Variants in CAV1 observed in about 807,000 individuals in gnomAD.
CAV1 encodes caveolin 1.
CAV1 carries 10 observed loss-of-function variants against 16.5 expected under a neutral mutation model. That is an observed-to-expected ratio of 0.61 (90% CI 0.37 to 1.03). The LOEUF (loss-of-function observed/expected upper bound fraction) is 1.03, where lower values mean the gene tolerates loss of function less well. CAV1 is among the 50% of genes least tolerant of loss of function. The pLI, the probability that CAV1 is intolerant of heterozygous loss-of-function variation, is 0.01. For missense variants in CAV1, 212 were observed against 232.8 expected (o/e 0.91, Z 0.58); for synonymous variants, 76 against 85.1 (o/e 0.89, Z 0.59).
chr7:116,534,380 TATA>T (rs1793755074), intron 2 of CAV1, among the ~76,000 whole-genome samples: 4 of 13,704 alleles, frequency 2.9e-4, no homozygotes, highest in South Asian at 4.4e-3. Flanking sequence ...TATATATATA[TATA>T]TATATATATA....
At position 116,539,454 on chromosome 7, in the gene CAV1, C is replaced by T. The variant is rs546988733; in HGVS notation, c.195+12765C>T. Among the ~76,000 whole-genome samples, 21 of 152,112 alleles carry T rather than the reference C, an allele frequency of 1.4e-4. No homozygotes were observed. In the South Asian group the frequency reaches 4.1e-3, roughly 30 times the overall value. ...TCTTTTTAAAGTAAGTTAATGTGTG[C>T]TTTGAATGAAAAGACACTGGGATTA... On this transcript the variant is annotated intron_variant, in intron 2 of 2. Coordinates refer to ENST00000341049, the MANE Select transcript of CAV1 (RefSeq NM_001753.5).
intron 2 of CAV1, among the ~76,000 whole-genome samples, chr7:116,556,330 T>C (rs1157401071): frequency 6.6e-6 from 1 of 152,226 alleles, no homozygotes; most frequent in African/African-American, 2.4e-5. Flanking sequence ...ATTGTTGCAG[T>C]TACCAGAGGG....
intron 2 of CAV1, among the ~76,000 whole-genome samples, chr7:116,546,698 A>AC (rs1794056019): frequency 1.8e-5 from 1 of 56,824 alleles, no homozygotes; most frequent in Non-Finnish European, 3.5e-5. Context: ...ACTCTGTCAC[A>AC]AAAAAAAAAA....
chr7:116,534,374 TATATATATATA>T (rs1793752357), intron 2 of CAV1, among the ~76,000 whole-genome samples: 2 of 14,890 alleles, frequency 1.3e-4, no homozygotes, highest in African/African-American at 3.3e-4. Flanking sequence ...TATATATATA[TATATATATATA>T]TATATATATA....
chr7:116,538,712 C>T (rs1383688495), intron 2 of CAV1, among the ~76,000 whole-genome samples: 2 of 152,122 alleles, frequency 1.3e-5, no homozygotes, highest in African/African-American at 4.8e-5. Flanking sequence ...AGTCTGTTTT[C>T]ACGCTGCTGA....
At chr7:116,542,083 A>G (rs1793952489) in intron 2 of CAV1, among the ~76,000 whole-genome samples, 1 of 152,226 alleles carries the variant, frequency 6.6e-6, no homozygotes. Flanking sequence ...CAAGTGGTAA[A>G]CATTGAAAAA....
At chr7:116,538,989 T>G (rs1055128348) in intron 2 of CAV1, among the ~76,000 whole-genome samples, 2 of 152,144 alleles carry the variant, frequency 1.3e-5, no homozygotes, top group Admixed American at 1.3e-4. Context: ...GGGAAAATTA[T>G]GGGAACTACA....
In CAV1 at chr7:116,555,604, GAGAAAGAAAGAAAGA is replaced by G. The variant is rs1794277085; in HGVS notation, c.196-3339_196-3325del. Among the ~76,000 whole-genome samples the G allele has an allele frequency of 3.4e-4, 25 of 73,462 alleles. 2 individuals carry two copies. The highest frequency in any genetic ancestry group is 1.4e-3 in the African/African-American group (23 of 16,148). 48.2% of individuals were successfully genotyped at this position (73,462 alleles called of 152,430 possible). ...AGAAAGAAAGAAAGAAAGAAAGAAAGAGAAAGAAAGAAAGAAGGGAGGGAGGGAGGGAGAGGAGAG... is the reference window on the plus strand; with the variant it reads ...AGAAAGAAAGAAAGAAAGAAAGAAAGAGGGAGGGAGGGAGGGAGAGGAGAG... On this transcript the variant is annotated intron_variant, in intron 2 of 2. Coordinates refer to ENST00000341049, the MANE Select transcript of CAV1 (RefSeq NM_001753.5).
intron 2 of CAV1, among the ~76,000 whole-genome samples, chr7:116,537,536 A>C (rs957471204): frequency 1.3e-5 from 2 of 152,204 alleles, no homozygotes; most frequent in African/African-American, 4.8e-5. Flanking sequence ...ACAGGCAGGA[A>C]GTGGTAGAGT....
Position 116,526,020 on chromosome 7 carries a change from G to A in CAV1, c.31-505G>A, listed in dbSNP as rs150149774. 0.014 allele frequency: 3,159 copies of A among 225,012 alleles called. 100 individuals carry two copies. Among genetic ancestry groups the A allele is most frequent in the African/African-American group, 0.068 (2,926 of 42,820 alleles). 13.9% of individuals were successfully genotyped at this position (225,012 alleles called of 1,614,324 possible). On this transcript the variant is annotated intron_variant, in intron 1 of 2. Transcript: ENST00000341049. ...ACATTCCACGGGTCGGGCGGCTGCT[G>A]TTGGATCTTAGATAAAGCTGGAAGG...
At chr7:116,554,322 C>T (rs1355669784) in intron 2 of CAV1, among the ~76,000 whole-genome samples, 4 of 152,142 alleles carry the variant, frequency 2.6e-5, no homozygotes, top group East Asian at 1.9e-4. Context: ...CAAAAATGTC[C>T]GTGTTCACAC....
chr7:116,555,013 A>G (rs1794230672), intron 2 of CAV1, among the ~76,000 whole-genome samples: 1 of 152,226 alleles, frequency 6.6e-6, no homozygotes, highest in South Asian at 2.1e-4. Flanking sequence ...GGGAATAATG[A>G]CATGCACTTC....
intron 1 of CAV1, chr7:116,525,505 T>G: frequency 1.6e-6 from 2 of 1,246,980 alleles, no homozygotes; most frequent in Non-Finnish European, 2.1e-6. Context: ...CTGGGGACAG[T>G]CCCCGGGACT....
intron 2 of CAV1, among the ~76,000 whole-genome samples, chr7:116,548,707 G>A (rs1253566487): frequency 6.6e-6 from 1 of 152,162 alleles, no homozygotes; most frequent in Non-Finnish European, 1.5e-5. Flanking sequence ...AGCTGAATGA[G>A]GAACTGAGAG....
At position 116,526,647 on chromosome 7, in the gene CAV1, G is replaced by C. The variant is rs1793568956; in HGVS notation, c.153G>C (p.Leu51=). 1 of 1,614,028 alleles carries C rather than the reference G, an allele frequency of 6.2e-7. No individual in the cohort carries two copies. Among genetic ancestry groups the C allele is most frequent in the South Asian group, 1.1e-5 (1 of 91,084 alleles). ...ACGCGCACACCAAGGAGATCGACCT[G>C]GTCAACCGCGACCCTAAACACCTCA... ...VYDAHTKEID[L]VNRDPKHLND... is the part of the protein sequence containing the mutation. Residue 51 remains leucine (L), a synonymous_variant, in exon 2 of 3, where the codon CTG becomes CTC. Coordinates refer to ENST00000341049, the MANE Select transcript of CAV1 (RefSeq NM_001753.5).
chr7:116,549,130 G>A (rs530829938), intron 2 of CAV1, among the ~76,000 whole-genome samples: 1 of 152,094 alleles, frequency 6.6e-6, no homozygotes, highest in South Asian at 2.1e-4. Flanking sequence ...ACACACACAT[G>A]GGAAAACATG....
chr7:116,543,970 T>C (rs528439609), intron 2 of CAV1, among the ~76,000 whole-genome samples: 104 of 152,282 alleles, frequency 6.8e-4, no homozygotes, highest in African/African-American at 2.4e-3. Flanking sequence ...CATATAAAGT[T>C]TACCATTTAG....
chr7:116,550,673 G>A (rs1794141946), intron 2 of CAV1, among the ~76,000 whole-genome samples: 1 of 152,164 alleles, frequency 6.6e-6, no homozygotes, highest in Non-Finnish European at 1.5e-5. Flanking sequence ...TTAAAAATAT[G>A]TGTGGGAACA....
chr7:116,555,602 A>AAGAGAGAGAGAG lies in CAV1; in HGVS notation c.196-3339_196-3338insGAGAGAGAGAGA, dbSNP rs780499290. Among the ~76,000 whole-genome samples, 89 of 83,766 alleles carry AAGAGAGAGAGAG rather than the reference A, an allele frequency of 1.1e-3. 6 individuals are homozygous for AAGAGAGAGAGAG. The highest frequency in any genetic ancestry group is 9.8e-3 in the East Asian group (29 of 2,974). The allele number at this position is 83,766 out of a possible 152,430, so 55.0% of individuals were successfully genotyped here. ...AAAGAAAGAAAGAAAGAAAGAAAGA[A>AAGAGAGAGAGAG]AGAGAAAGAAAGAAAGAAGGGAGGG... On this transcript the variant is annotated intron_variant, in intron 2 of 2. Coordinates refer to ENST00000341049, the MANE Select transcript of CAV1 (RefSeq NM_001753.5).
Sources: gnomAD v4.1 joint callset for allele counts (sites outside exome capture counted in the v4.1 genomes callset) on GRCh38, gnomAD v4.1.1 for gene constraint, MANE v1.5 for transcripts, NCBI Gene and HGNC (gene_info 2026-07-23, HGNC 2026-07-21) for gene names.